BICD2: variants seen among roughly 807,000 people sequenced by gnomAD.
BICD2 encodes the protein BICD cargo adaptor 2.
A neutral mutation model predicts 72.9 loss-of-function variants in BICD2; 25 were observed. The observed-to-expected ratio is 0.34, with a 90% CI of 0.25 to 0.48. The LOEUF is 0.48. BICD2 is among the 20% of genes least tolerant of loss of function. The probability of loss-of-function intolerance (pLI) is 0.99; values close to 1 mark genes in which losing one functional copy is unlikely to be tolerated. For missense variants in BICD2, 894 were observed against 1,175.2 expected (o/e 0.76, Z 3.50); for synonymous variants, 501 against 516.1 (o/e 0.97, Z 0.40).
At chr9:92,748,169 G>A (rs1854054928) in intron 1 of BICD2, among the ~76,000 whole-genome samples, 1 of 152,136 alleles carries the variant, frequency 6.6e-6, no homozygotes, top group Non-Finnish European at 1.5e-5. Context: ...TGACTCAGCA[G>A]CAGGAATGGC....
intron 5 of BICD2, 137 bp downstream of exon 5, chr9:92,718,402 G>C (rs1853368528): frequency 3.8e-6 from 4 of 1,062,514 alleles, no homozygotes; most frequent in Non-Finnish European, 5.3e-6. Context: ...AGGCAGTCGA[G>C]CTACTATGGG....
rs796851044 is a variant in BICD2, at chr9:92,713,160, G to A, written c.*1994C>T. 24 of 446,520 alleles carry A rather than the reference G, an allele frequency of 5.4e-5. No homozygotes were observed. The highest frequency in any genetic ancestry group is 1.8e-4 in the African/African-American group (9 of 50,730). 27.7% of individuals were successfully genotyped at this position (446,520 alleles called of 1,614,324 possible). On this transcript the variant is annotated 3_prime_UTR_variant, in exon 7 of 7. Transcript: ENST00000356884. Reference sequence around the variant, plus strand: ...AGAACATGTGTAACAAGGAGCCCCCGTGGTGGGCGTTTCCAGTGGGCTCCT... The same window carrying A: ...AGAACATGTGTAACAAGGAGCCCCCATGGTGGGCGTTTCCAGTGGGCTCCT...
intron 2 of BICD2, among the ~76,000 whole-genome samples, chr9:92,725,783 C>T (rs1417715122): frequency 6.6e-6 from 1 of 152,270 alleles, no homozygotes; most frequent in African/African-American, 2.4e-5. Flanking sequence ...CCCCACCAGA[C>T]AACCTCAACA....
At chr9:92,742,207 G>A (rs1853910373) in intron 1 of BICD2, among the ~76,000 whole-genome samples, 1 of 152,014 alleles carries the variant, frequency 6.6e-6, no homozygotes, top group Admixed American at 6.6e-5. Context: ...GAATAATAGT[G>A]AAATTTATCT....
chr9:92,749,052 C>T (rs1854087564), intron 1 of BICD2, among the ~76,000 whole-genome samples: 2 of 152,088 alleles, frequency 1.3e-5, no homozygotes, highest in South Asian at 4.1e-4. Context: ...CAGACAGCCT[C>T]ACCTGGCAGG....
At chr9:92,743,019 T>C (rs1853928936) in intron 1 of BICD2, among the ~76,000 whole-genome samples, 1 of 152,248 alleles carries the variant, frequency 6.6e-6, no homozygotes, top group Non-Finnish European at 1.5e-5. Flanking sequence ...TGCTAGGTCA[T>C]GTGGTATCTT....
chr9:92,724,957 C>T (rs888161751), intron 2 of BICD2, among the ~76,000 whole-genome samples: 2 of 152,178 alleles, frequency 1.3e-5, no homozygotes, highest in Non-Finnish European at 2.9e-5. Context: ...GCTCCTCAGG[C>T]GGAGTGGAAG....
In BICD2 at chr9:92,713,795, T is replaced by G; in HGVS notation, c.*1359A>C. ...ACATACATGGGCGTGTCCTGGAGTC[T>G]GGAGGGGACCGAAACATACTCGGCA... On this transcript the variant is annotated 3_prime_UTR_variant, in exon 7 of 7. Coordinates refer to ENST00000356884, the MANE Select transcript of BICD2 (RefSeq NM_001003800.2). 1 of 1,177,374 alleles carries G rather than the reference T, an allele frequency of 8.5e-7. No homozygotes were observed. The highest frequency in any genetic ancestry group is 1.6e-5 in the African/African-American group (1 of 63,930). The allele number at this position is 1,177,374 out of a possible 1,614,324, so 72.9% of individuals were successfully genotyped here. A position where few individuals can be genotyped will look rare whatever the true frequency, so the allele number is the denominator to read the frequency against.
intron 1 of BICD2, among the ~76,000 whole-genome samples, chr9:92,758,049 C>A (rs971455684): frequency 2.0e-5 from 3 of 151,668 alleles, no homozygotes; most frequent in Non-Finnish European, 2.9e-5. Context: ...ACTAAAAATA[C>A]AAAAATTAGC....
rs115787125 is a variant in BICD2, at chr9:92,720,391, C to A, written c.971G>T (p.Gly324Val). The A allele has an allele frequency of 5.6e-6, 9 of 1,614,116 alleles. No homozygotes were observed. In the African/African-American group the frequency reaches 1.2e-4, roughly 22 times the overall value. Residue 324 changes from glycine to valine, a missense_variant, in exon 4 of 7, where the codon GGC becomes GTC. Coordinates refer to ENST00000356884, the MANE Select transcript of BICD2 (RefSeq NM_001003800.2). The surrounding 1 kb of genome is among the most constrained non-coding windows in gnomAD (Gnocchi z 5.4). ...GAGGCTGGGGGAGGGCGGTGCGAGG[C>A]CCTCCTTCTTGGGCGTGGAGGTCTT... ...DNKTSTPKKE[G>V]LAPPSPSLVS...
At chr9:92,721,608 C>G (rs565234355) in intron 3 of BICD2, among the ~76,000 whole-genome samples, 1 of 152,312 alleles carries the variant, frequency 6.6e-6, no homozygotes, top group African/African-American at 2.4e-5. Context: ...GAAGGGACAC[C>G]CATTACCACA....
Position 92,714,788 on chromosome 9 carries a change from C to T in BICD2, c.*366G>A. On this transcript the variant is annotated 3_prime_UTR_variant, in exon 7 of 7. Transcript: ENST00000356884. ...CATGCAAGTCTCAACTCAGGTTCTG[C>T]CCCTTTTGGGTGCTGAGGGAGCAGG... The T allele has an allele frequency of 9.6e-7, 1 of 1,038,814 alleles. No homozygotes were observed. Among genetic ancestry groups the T allele is most frequent in the East Asian group, 8.4e-5 (1 of 11,966 alleles). 64.3% of individuals were successfully genotyped at this position (1,038,814 alleles called of 1,614,324 possible).
In BICD2 at chr9:92,719,354, C is replaced by T. The variant is rs780600581; in HGVS notation, c.1291G>A (p.Gly431Arg). Residue 431 changes from glycine (G) to arginine (R), a missense_variant, in exon 5 of 7, where the codon GGG (glycine) becomes AGG (arginine). Coordinates refer to ENST00000356884, the MANE Select transcript of BICD2 (RefSeq NM_001003800.2). Reference protein sequence around the residue: ...DGDYYEVDINGPEILACKYHV... With the variant: ...DGDYYEVDINRPEILACKYHV... ...TACTTGCAGGCCAAGATCTCAGGCC[C>T]GTTGATGTCCACCTCGTAGTAGTCC... 3 of 1,614,212 alleles carry T rather than the reference C, an allele frequency of 1.9e-6. No individual in the cohort carries two copies. Among genetic ancestry groups the T allele is most frequent in the African/African-American group, 1.3e-5 (1 of 75,062 alleles).
chr9:92,720,822 A>C lies in BICD2; in HGVS notation c.607-67T>G. 2 of 1,501,406 alleles carry C rather than the reference A, an allele frequency of 1.3e-6. No individual in the cohort carries two copies. The highest frequency in any genetic ancestry group is 2.5e-5 in the South Asian group (2 of 78,988). 93.0% of individuals were successfully genotyped at this position (1,501,406 alleles called of 1,614,324 possible). A position where few individuals can be genotyped will look rare whatever the true frequency, so the allele number is the denominator to read the frequency against. Reference sequence around the variant, plus strand: ...AAGCTCCTTTCAGGCCCCATAAATGAAGAAAACACACCAGCACACCAACTC... The same window carrying C: ...AAGCTCCTTTCAGGCCCCATAAATGCAGAAAACACACCAGCACACCAACTC... On this transcript the variant is annotated intron_variant, in intron 3 of 6. Transcript: ENST00000356884. This position sits in a 1 kb window ranked among gnomAD's most constrained non-coding sequence, Gnocchi z 5.4.
chr9:92,718,332 G>A (rs1465108933), intron 5 of BICD2, among the ~76,000 whole-genome samples: 1 of 152,216 alleles, frequency 6.6e-6, no homozygotes, highest in East Asian at 1.9e-4. Flanking sequence ...CTGCTGAGGG[G>A]CCCTCACACC....
At chr9:92,745,815 C>T (rs1417420897) in intron 1 of BICD2, among the ~76,000 whole-genome samples, 1 of 152,200 alleles carries the variant, frequency 6.6e-6, no homozygotes, top group African/African-American at 2.4e-5. Context: ...GAAAGAGAGG[C>T]TGATGATCCA....
intron 1 of BICD2, among the ~76,000 whole-genome samples, chr9:92,742,229 C>G (rs1024477223): frequency 1.3e-5 from 2 of 152,050 alleles, no homozygotes; most frequent in Non-Finnish European, 2.9e-5. Flanking sequence ...AAAGATTTAG[C>G]AAGCAAAAAG....
At chr9:92,749,869 C>T (rs1030397245) in intron 1 of BICD2, among the ~76,000 whole-genome samples, 2 of 152,228 alleles carry the variant, frequency 1.3e-5, no homozygotes, top group South Asian at 2.1e-4. Flanking sequence ...CAAGAGGGGA[C>T]AGCTTGGGGG....
intron 1 of BICD2, among the ~76,000 whole-genome samples, chr9:92,754,379 A>C (rs984513022): frequency 6.6e-6 from 1 of 152,154 alleles, no homozygotes; most frequent in Non-Finnish European, 1.5e-5. Flanking sequence ...GTGTTTTTTG[A>C]GGAGAAAACT....
Sources: allele counts gnomAD v4.1 joint callset (sites outside exome capture counted in the v4.1 genomes callset), GRCh38; gene constraint gnomAD v4.1.1; non-coding constraint Gnocchi (gnomAD v3.1); transcripts MANE v1.5; gene names NCBI Gene and HGNC (gene_info 2026-07-23, HGNC 2026-07-21).